KCNN1: variants seen among roughly 807,000 people sequenced by gnomAD.
KCNN1 encodes the protein small conductance calcium-activated potassium channel protein 1.
KCNN1 carries 20 observed loss-of-function variants against 44.7 expected under a neutral mutation model. The ratio of observed to expected loss-of-function variants is 0.45; its 90% CI spans 0.32 to 0.65. KCNN1 has a LOEUF of 0.65. KCNN1 is among the 30% of genes least tolerant of loss of function. The pLI, the probability that KCNN1 is intolerant of heterozygous loss-of-function variation, is 0.05. For synonymous variants in KCNN1, 324 were observed against 341.7 expected, an observed-to-expected ratio of 0.95 and a Z score of 0.57; for missense variants, 632 against 785.3, an observed-to-expected ratio of 0.80 and a Z score of 2.33.
In KCNN1 at chr19:17,974,164, C is replaced by T; in HGVS notation, c.276C>T (p.Arg92=). The change falls in exon 2 of 10, where the codon CGC becomes CGT. Residue 92 remains arginine (R), a synonymous_variant. Coordinates refer to ENST00000684775, the MANE Select transcript of KCNN1 (RefSeq NM_001386974.1). This position sits in a 1 kb window ranked among gnomAD's most constrained non-coding sequence, Gnocchi z 7.3. The part of the protein sequence containing the change: ...ASGKPSNVGH[R]LGHRRALFEK... ...GGAAACCCTCAAATGTGGGCCACCG[C>T]CTGGGCCACCGGCGGGCGCTCTTCG... 6.2e-7 allele frequency: 1 copy of T among 1,613,736 alleles called. No homozygotes were observed. Among genetic ancestry groups the T allele is most frequent in the Non-Finnish European group, 8.5e-7 (1 of 1,179,882 alleles).
chr19:17,978,130 T>G (rs1450443787), intron 3 of KCNN1, among the ~76,000 whole-genome samples: 2 of 150,400 alleles, frequency 1.3e-5, no homozygotes, highest in Non-Finnish European at 3.0e-5. Flanking sequence ...ATACTTGTTT[T>G]TTTTTTTTTT....
chr19:17,982,111 G>A lies in KCNN1; in HGVS notation c.901G>A (p.Val301Met). The A allele has an allele frequency of 1.9e-6, 3 of 1,573,488 alleles. No individual in the cohort carries two copies. Among genetic ancestry groups the A allele is most frequent in the Non-Finnish European group, 1.7e-6 (2 of 1,160,026 alleles). The change falls in exon 4 of 10, where the codon GTG (valine) becomes ATG (methionine). Residue 301 changes from valine to methionine, a missense_variant. Around this residue, in one of 3 missense-constraint regions of KCNN1, gnomAD observed 160 missense variants for 308.3 expected, o/e 0.52. Coordinates refer to ENST00000684775, the MANE Select transcript of KCNN1 (RefSeq NM_001386974.1). ...CTCCTGGATCATCGCAGCCTGGACCGTGCGCGTCTGCGAGAGGTGCGACCG... is the reference window on the plus strand; with the variant it reads ...CTCCTGGATCATCGCAGCCTGGACCATGCGCGTCTGCGAGAGGTGCGACCG... ...ISSWIIAAWT[V>M]RVCERYHDKQ...
At chr19:17,952,591 C>A (rs527904805) in intron 1 of KCNN1, among the ~76,000 whole-genome samples, 1 of 152,294 alleles carries the variant, frequency 6.6e-6, no homozygotes, top group East Asian at 1.9e-4. Flanking sequence ...ATCCCCCTCC[C>A]TCCGCGAGGT....
At chr19:17,963,725 CTTT>C (rs147435448), upstream of KCNN1, among the ~76,000 whole-genome samples, 1 of 139,730 alleles carries the variant, frequency 7.2e-6, no homozygotes, top group Non-Finnish European at 1.6e-5. Context: ...ACTTCTGATA[CTTT>C]TTTTTTTTTT....
Position 17,990,033 on chromosome 19 carries a change from A to G in KCNN1, c.1298+190A>G, listed in dbSNP as rs1169732258. ...GGCAGATGATGGGGTCTGCTAAATC[A>G]TGGACACGACTCAGTAAGTGGCAGG... On this transcript the variant is annotated intron_variant, in intron 7 of 9. Transcript: ENST00000684775. 9.4e-6 allele frequency: 7 copies of G among 746,816 alleles called. No individual in the cohort carries two copies. In the Middle Eastern group the frequency reaches 6.8e-4, roughly 72 times the overall value. The allele number at this position is 746,816 out of a possible 1,614,324, so 46.3% of individuals were successfully genotyped here.
intron 1 of KCNN1, among the ~76,000 whole-genome samples, chr19:17,970,505 C>G (rs1187691237): frequency 6.6e-6 from 1 of 151,194 alleles, no homozygotes; most frequent in Admixed American, 6.6e-5. Context: ...TTAGTAGAGA[C>G]AGGGTTTCAC....
intron 2 of KCNN1, among the ~76,000 whole-genome samples, chr19:17,959,154 A>G (rs973956756): frequency 6.7e-6 from 1 of 149,866 alleles, no homozygotes; most frequent in Non-Finnish European, 1.5e-5. Context: ...CCTCCCGAGT[A>G]GCTGGGATTA....
At chr19:17,964,806 C>T (rs371101488), upstream of KCNN1, among the ~76,000 whole-genome samples, 2 of 152,154 alleles carry the variant, frequency 1.3e-5, no homozygotes, top group African/African-American at 4.8e-5. This position sits in a 1 kb window ranked among gnomAD's most constrained non-coding sequence, Gnocchi z 4.3. Flanking sequence ...TGGGGGCAGT[C>T]CCCGATCCCT....
chr19:17,976,862 C>T (rs1450176517), intron 3 of KCNN1, among the ~76,000 whole-genome samples: 1 of 151,756 alleles, frequency 6.6e-6, no homozygotes, highest in Non-Finnish European at 1.5e-5. Context: ...ATTACAGGTG[C>T]CCGCCACCAC....
At chr19:17,985,143 G>T (rs189228282) in intron 4 of KCNN1, among the ~76,000 whole-genome samples, 169 bp from the exon 5 acceptor site, 1 of 152,104 alleles carries the variant, frequency 6.6e-6, no homozygotes, top group Non-Finnish European at 1.5e-5. Context: ...AATGTGGAAG[G>T]GCTGTAGCGG....
At chr19:17,975,665 C>T (rs944036382) in intron 3 of KCNN1, among the ~76,000 whole-genome samples, 3 of 152,052 alleles carry the variant, frequency 2.0e-5, no homozygotes, top group Admixed American at 6.6e-5. Flanking sequence ...CAGTGATCCA[C>T]CCGTCTCAGC....
In KCNN1 at chr19:17,981,733, G is replaced by A. The variant is rs1427890055; in HGVS notation, c.523G>A (p.Asp175Asn). 5 of 1,593,782 alleles carry A rather than the reference G, an allele frequency of 3.1e-6. No individual in the cohort carries two copies. The highest frequency in any genetic ancestry group is 4.3e-6 in the Non-Finnish European group (5 of 1,165,788). Residue 175 changes from aspartate to asparagine, a missense_variant, in exon 4 of 10, where the codon GAT (aspartate) becomes AAT (asparagine). Transcript: ENST00000684775. ...IQLFMVDNGA[D>N]DWRIAMTCER... ...GCTGTTCATGGTGGACAACGGGGCT[G>A]ATGACTGGCGCATCGCCATGACCTG...
chr19:17,982,083 C>T lies in KCNN1; in HGVS notation c.873C>T (p.Ile291=), dbSNP rs1220031855. Residue 291 remains isoleucine (I), a synonymous_variant, in exon 4 of 10, where the codon ATC becomes ATT. Transcript: ENST00000684775. ...CPGTVLLVFS[I]SSWIIAAWTV... is the part of the protein sequence containing the mutation. ...GCACCGTGCTGCTGGTCTTCAGCAT[C>T]TCCTCCTGGATCATCGCAGCCTGGA... 2 of 1,605,566 alleles carry T rather than the reference C, an allele frequency of 1.2e-6. No individual in the cohort carries two copies. The highest frequency in any genetic ancestry group is 1.3e-5 in the African/African-American group (1 of 74,780).
intron 1 of KCNN1, among the ~76,000 whole-genome samples, chr19:17,973,346 T>C (rs1239825239): frequency 6.6e-6 from 1 of 152,166 alleles, no homozygotes; most frequent in African/African-American, 2.4e-5. Flanking sequence ...AATGGCATGA[T>C]CTTGGCTCAC....
intron 3 of KCNN1, among the ~76,000 whole-genome samples, chr19:17,975,535 C>T (rs2032178382): frequency 6.6e-6 from 1 of 152,034 alleles, no homozygotes; most frequent in African/African-American, 2.4e-5. Context: ...ATTCTTCTGC[C>T]TCAGTCTCCC....
intron 3 of KCNN1, among the ~76,000 whole-genome samples, chr19:17,978,233 T>C (rs2032274061): frequency 6.7e-6 from 1 of 150,248 alleles, no homozygotes. Context: ...TTCAAGTCAT[T>C]CTCCTGCCTC....
chr19:17,957,952 C>T (rs1431665608), intron 2 of KCNN1, among the ~76,000 whole-genome samples: 1 of 151,972 alleles, frequency 6.6e-6, no homozygotes, highest in East Asian at 1.9e-4. Flanking sequence ...CATTCTGGGA[C>T]TGGGTTGGGG....
In KCNN1 at chr19:17,998,226, C is replaced by T. The variant is rs1406603000; in HGVS notation, c.1452C>T (p.Thr484=). Residue 484 remains threonine (T), a synonymous_variant, in exon 10 of 10, where the codon ACC becomes ACT. Coordinates refer to ENST00000684775, the MANE Select transcript of KCNN1 (RefSeq NM_001386974.1). This position sits in a 1 kb window ranked among gnomAD's most constrained non-coding sequence, Gnocchi z 5.4. ...QHEELEARLA[T]LESRLDALGA... is the part of the protein sequence containing the mutation. Reference sequence around the variant, plus strand: ...AGGAGCTGGAGGCCCGCCTGGCCACCCTGGAAAGCCGCTTGGATGCGCTGG... The same window carrying T: ...AGGAGCTGGAGGCCCGCCTGGCCACTCTGGAAAGCCGCTTGGATGCGCTGG... The T allele has an allele frequency of 8.2e-6, 13 of 1,581,446 alleles. No homozygotes were observed. The highest frequency in any genetic ancestry group is 1.1e-5 in the Non-Finnish European group (13 of 1,165,532).
At chr19:17,955,989 GCA>G (rs2031535664) in intron 2 of KCNN1, among the ~76,000 whole-genome samples, 1 of 151,976 alleles carries the variant, frequency 6.6e-6, no homozygotes, top group Non-Finnish European at 1.5e-5. Context: ...GAGCGCAGTG[GCA>G]TGATCTTGGC....
Sources: allele counts gnomAD v4.1 joint callset (sites outside exome capture counted in the v4.1 genomes callset), GRCh38; gene constraint gnomAD v4.1.1; regional missense constraint gnomAD v4.1.1; non-coding constraint Gnocchi (gnomAD v3.1); transcripts MANE v1.5; gene names NCBI Gene and HGNC (gene_info 2026-07-23, HGNC 2026-07-21).